Variants in ARHGAP42 observed in about 807,000 individuals in gnomAD.
ARHGAP42 encodes rho GTPase-activating protein 42.
A neutral mutation model predicts 125.0 loss-of-function variants in ARHGAP42; 63 were observed. That is an observed-to-expected ratio of 0.50 (90% CI 0.41 to 0.62). The LOEUF is 0.62. ARHGAP42 is among the 20% of genes least tolerant of loss of function. The probability of loss-of-function intolerance (pLI) is 0.00; values close to 1 mark genes in which losing one functional copy is unlikely to be tolerated. For missense variants in ARHGAP42, 766 were observed against 1,024.2 expected, an observed-to-expected ratio of 0.75 and a Z score of 3.44; for synonymous variants, 339 against 351.0, an observed-to-expected ratio of 0.97 and a Z score of 0.38.
chr11:100,755,915 C>T (rs1400202073), intron 1 of ARHGAP42, among the ~76,000 whole-genome samples: 1 of 151,988 alleles, frequency 6.6e-6, no homozygotes, highest in East Asian at 1.9e-4. Context: ...AGGTTATTAA[C>T]TATTTGAGGT....
chr11:100,970,771 C>T (rs1031068502), intron 17 of ARHGAP42, among the ~76,000 whole-genome samples: 4 of 152,026 alleles, frequency 2.6e-5, no homozygotes, highest in East Asian at 2.0e-4. Context: ...AGTCCTGAAA[C>T]GAGGGAGATT....
intron 3 of ARHGAP42, among the ~76,000 whole-genome samples, chr11:100,807,475 C>T (rs921440173): frequency 2.6e-5 from 4 of 152,174 alleles, no homozygotes; most frequent in African/African-American, 7.2e-5. Flanking sequence ...GGATTACAGG[C>T]GTGAGCCACC....
chr11:100,875,291 C>T (rs1865794524), intron 4 of ARHGAP42, among the ~76,000 whole-genome samples: 2 of 152,050 alleles, frequency 1.3e-5, no homozygotes, highest in East Asian at 3.9e-4. Context: ...AACACAGGAA[C>T]GTACTGGAGT....
intron 4 of ARHGAP42, among the ~76,000 whole-genome samples, chr11:100,912,067 G>T (rs988749597): frequency 1.3e-5 from 2 of 152,096 alleles, no homozygotes; most frequent in African/African-American, 4.8e-5. Flanking sequence ...CATGGAAAAA[G>T]ATTATGATAG....
chr11:100,894,189 C>A (rs1866286961), intron 4 of ARHGAP42, among the ~76,000 whole-genome samples: 1 of 152,152 alleles, frequency 6.6e-6, no homozygotes, highest in Non-Finnish European at 1.5e-5. Context: ...CCAAATAGTT[C>A]TTTGGGATAT....
chr11:100,761,712 A>G (rs1862703141), intron 1 of ARHGAP42, among the ~76,000 whole-genome samples: 1 of 152,204 alleles, frequency 6.6e-6, no homozygotes, highest in Non-Finnish European at 1.5e-5. Context: ...TCTCTTGAAG[A>G]TAGTAATTTA....
intron 3 of ARHGAP42, among the ~76,000 whole-genome samples, chr11:100,808,842 CAAAT>C (rs1235785345): frequency 6.6e-6 from 1 of 152,092 alleles, no homozygotes; most frequent in Non-Finnish European, 1.5e-5. Flanking sequence ...TTAAAAATAA[CAAAT>C]TATTCATAAA....
Position 100,770,432 on chromosome 11 carries a change from A to G in ARHGAP42, c.244A>G (p.Ser82Gly). 6.5e-7 allele frequency: 1 copy of G among 1,544,530 alleles called. No homozygotes were observed. Among genetic ancestry groups the G allele is most frequent in the Non-Finnish European group, 8.8e-7 (1 of 1,141,462 alleles). Residue 82 changes from serine (S) to glycine (G), a missense_variant, in exon 2 of 24, where the codon AGT becomes GGT. Coordinates refer to ENST00000298815, the MANE Select transcript of ARHGAP42 (RefSeq NM_152432.4). The part of the protein sequence containing the change: ...IGDAETDDEI[S>G]IAQSLKEFAR... ...TGATGCTGAAACAGATGATGAAATT[A>G]GTATTGGTAAGTACTACTGTTTTAG...
intron 2 of ARHGAP42, among the ~76,000 whole-genome samples, chr11:100,772,188 C>A (rs1862997823): frequency 1.3e-5 from 2 of 152,154 alleles, no homozygotes; most frequent in Non-Finnish European, 2.9e-5. Context: ...GGCAATGTTA[C>A]CCCCACAAAA....
At chr11:100,873,202 T>C (rs1865735885) in intron 4 of ARHGAP42, among the ~76,000 whole-genome samples, 1 of 152,222 alleles carries the variant, frequency 6.6e-6, no homozygotes, top group Non-Finnish European at 1.5e-5. Flanking sequence ...ATTTGTGATG[T>C]GGCTTAGAAG....
chr11:100,872,353 T>C (rs150351506), intron 4 of ARHGAP42, among the ~76,000 whole-genome samples: 33 of 152,270 alleles, frequency 2.2e-4, no homozygotes, highest in South Asian at 4.1e-4. Flanking sequence ...CTTTTTACTA[T>C]GTTTTAGTTT....
chr11:100,792,926 T>A (rs1399042666), intron 2 of ARHGAP42, among the ~76,000 whole-genome samples: 2 of 152,150 alleles, frequency 1.3e-5, no homozygotes, highest in South Asian at 4.2e-4. Context: ...CTAATTTTTT[T>A]TGTATTTTTA....
At chr11:100,750,214 A>G (rs1565554691) in intron 1 of ARHGAP42, among the ~76,000 whole-genome samples, 2 of 152,256 alleles carry the variant, frequency 1.3e-5, no homozygotes, top group Non-Finnish European at 2.9e-5. Flanking sequence ...AAGGCAACGT[A>G]CTTCTATAGA....
At chr11:100,817,841 A>G (rs574641844) in intron 3 of ARHGAP42, among the ~76,000 whole-genome samples, 1 of 152,298 alleles carries the variant, frequency 6.6e-6, no homozygotes, top group African/African-American at 2.4e-5. Context: ...TTACTCAGCT[A>G]TCTCCATACC....
chr11:100,710,589 G>A (rs1234988), intron 1 of ARHGAP42, among the ~76,000 whole-genome samples: 107,987 of 142,314 alleles, frequency 0.76, 42,083 homozygotes, highest in African/African-American at 0.93. Flanking sequence ...CCCAGGCTGG[G>A]GTGCAAATGG....
chr11:100,881,418 T>G (rs1865958778), intron 4 of ARHGAP42, among the ~76,000 whole-genome samples: 1 of 152,234 alleles, frequency 6.6e-6, no homozygotes, highest in African/African-American at 2.4e-5. Context: ...GGGTTCCCTA[T>G]TCTTTTCCAT....
rs969779219 is a variant in ARHGAP42 at position 100,990,279 on chromosome 11, C to G, written c.*1478C>G. On this transcript the variant is annotated 3_prime_UTR_variant, in exon 24 of 24. Coordinates refer to ENST00000298815, the MANE Select transcript of ARHGAP42 (RefSeq NM_152432.4). ...TTCAGAGTTCCCCACTGTGCAGACT[C>G]TCAGGTATTAACTGTAAAAAACTCT... The G allele has an allele frequency of 4.6e-5, 7 of 152,086 alleles. No homozygotes were observed. The highest frequency in any genetic ancestry group is 1.0e-4 in the Non-Finnish European group (7 of 68,006). The allele number at this position is 152,086 out of a possible 1,614,324, so 9.4% of individuals were successfully genotyped here.
chr11:100,966,714 A>G (rs1009103144), intron 17 of ARHGAP42, among the ~76,000 whole-genome samples: 2 of 152,190 alleles, frequency 1.3e-5, no homozygotes, highest in Admixed American at 1.3e-4. Flanking sequence ...ATCATTATAA[A>G]TATTATATCT....
At position 100,937,449 on chromosome 11, in the gene ARHGAP42, C is replaced by A. The variant is rs144620004; in HGVS notation, c.832+1117C>A. 2.1e-4 allele frequency among the ~76,000 whole-genome samples: 32 copies of A among 152,058 alleles called. No homozygotes were observed. The East Asian group carries it at 2.1e-3, about 10-fold the overall frequency. On this transcript the variant is annotated intron_variant, in intron 8 of 23. Transcript: ENST00000298815. Reference sequence around the variant, plus strand: ...TTTTTTTATTGTTATGTTTTTTACACAAGCCTGGAAAGGACTCTAAGGAAA... The same window carrying A: ...TTTTTTTATTGTTATGTTTTTTACAAAAGCCTGGAAAGGACTCTAAGGAAA...
Sources: gnomAD v4.1 joint callset for allele counts (sites outside exome capture counted in the v4.1 genomes callset) on GRCh38, gnomAD v4.1.1 for gene constraint, MANE v1.5 for transcripts, NCBI Gene and HGNC (gene_info 2026-07-23, HGNC 2026-07-21) for gene names.